The following RIMS1 variants were observed in gnomAD, a reference collection of about 807,000 sequenced individuals.
RIMS1 encodes the protein regulating synaptic membrane exocytosis protein 1.
A neutral mutation model predicts 214.1 loss-of-function variants in RIMS1; 83 were observed. The ratio of observed to expected loss-of-function variants is 0.39; its 90% CI spans 0.32 to 0.47. RIMS1 has a LOEUF of 0.47. Among genes scored for constraint, RIMS1 ranks in the 20% least tolerant of loss-of-function variants. RIMS1 has a pLI of 0.99. For synonymous variants in RIMS1, 793 were observed against 786.8 expected, an observed-to-expected ratio of 1.01 and a Z score of -0.13; for missense variants, 2,050 against 2,161.8, an observed-to-expected ratio of 0.95 and a Z score of 1.03.
chr6:72,074,098 G>A (rs1253440185), intron 2 of RIMS1, among the ~76,000 whole-genome samples: 1 of 152,058 alleles, frequency 6.6e-6, no homozygotes, highest in Non-Finnish European at 1.5e-5. Flanking sequence ...AAATGGTCTG[G>A]AACCTTTAAG....
At chr6:72,083,411 A>C (rs1833898315) in intron 2 of RIMS1, among the ~76,000 whole-genome samples, 1 of 152,116 alleles carries the variant, frequency 6.6e-6, no homozygotes, top group Non-Finnish European at 1.5e-5. Flanking sequence ...GTGTTCCACC[A>C]GTGGTTGTAT....
At chr6:72,125,211 G>A (rs1301203036) in intron 4 of RIMS1, among the ~76,000 whole-genome samples, 1 of 152,116 alleles carries the variant, frequency 6.6e-6, no homozygotes. Context: ...CTTTCTTTTT[G>A]TTAGTTTTCC....
At chr6:72,119,989 T>C (rs2037911535) in intron 4 of RIMS1, among the ~76,000 whole-genome samples, 1 of 150,996 alleles carries the variant, frequency 6.6e-6, no homozygotes, top group Non-Finnish European at 1.5e-5. Flanking sequence ...GAACTCATCA[T>C]TTTTTATGGC....
intron 2 of RIMS1, among the ~76,000 whole-genome samples, chr6:71,984,811 ATCTATCTATT>A (rs1422610580): frequency 3.0e-5 from 4 of 133,810 alleles, no homozygotes; most frequent in Non-Finnish European, 6.6e-5. Flanking sequence ...CTATCTATCT[ATCTATCTATT>A]ATGTTTGTAT....
At chr6:71,997,058 A>C (rs1316935992) in intron 2 of RIMS1, among the ~76,000 whole-genome samples, 1 of 152,218 alleles carries the variant, frequency 6.6e-6, no homozygotes, top group Non-Finnish European at 1.5e-5. Context: ...TAAAGCAATA[A>C]AAACATTTTG....
At chr6:72,263,692 A>G in intron 19 of RIMS1, 1 of 985,326 alleles carries the variant, frequency 1.0e-6, no homozygotes, top group Non-Finnish European at 1.2e-6. Flanking sequence ...AGTTTCAGTA[A>G]AATTTGTCCT....
chr6:71,921,309 C>T lies in RIMS1; in HGVS notation c.164+34122C>T, dbSNP rs531311039. Among the ~76,000 whole-genome samples, 22 of 152,172 alleles carry T rather than the reference C, an allele frequency of 1.4e-4. No homozygotes were observed. The South Asian group carries it at 2.9e-3, about 20-fold the overall frequency. On this transcript the variant is annotated intron_variant, in intron 1 of 33. Coordinates refer to ENST00000521978, the MANE Select transcript of RIMS1 (RefSeq NM_014989.7). ...CTAATTTTTGTATTTTTAGTAGAGA[C>T]GGCATTTCACCATGTTGGTCAGGCT...
intron 4 of RIMS1, among the ~76,000 whole-genome samples, chr6:72,153,092 A>C (rs941937091): frequency 1.4e-5 from 2 of 145,440 alleles, no homozygotes; most frequent in Non-Finnish European, 1.5e-5. Flanking sequence ...ATATATGTAT[A>C]TATTCCCTAT....
intron 1 of RIMS1, among the ~76,000 whole-genome samples, chr6:71,939,122 A>G (rs915028136): frequency 7.2e-5 from 11 of 152,310 alleles, no homozygotes; most frequent in African/African-American, 2.6e-4. Context: ...ATGTGGACAC[A>G]GTTATGCCAA....
intron 4 of RIMS1, among the ~76,000 whole-genome samples, chr6:72,120,103 C>G: frequency 6.6e-6 from 1 of 151,556 alleles, no homozygotes; most frequent in Non-Finnish European, 1.5e-5. Context: ...GAATAGTGTC[C>G]CAATAAACAT....
intron 3 of RIMS1, among the ~76,000 whole-genome samples, chr6:72,098,752 G>C (rs1015418231): frequency 6.6e-6 from 1 of 152,014 alleles, no homozygotes; most frequent in Non-Finnish European, 1.5e-5. Flanking sequence ...TAAAATCTAG[G>C]TCTTTATGAT....
intron 4 of RIMS1, among the ~76,000 whole-genome samples, chr6:72,153,569 C>T (rs2044026925): frequency 2.0e-5 from 3 of 151,916 alleles, no homozygotes; most frequent in African/African-American, 4.8e-5. Flanking sequence ...AGATTTTTTA[C>T]AATAAATTAT....
chr6:71,955,954 T>C (rs1406077156), intron 1 of RIMS1, among the ~76,000 whole-genome samples: 2 of 152,156 alleles, frequency 1.3e-5, no homozygotes, highest in Non-Finnish European at 2.9e-5. Flanking sequence ...AATGTTTTAA[T>C]TGGCTAATTT....
At chr6:72,317,625 A>G (rs34817264) in intron 28 of RIMS1, among the ~76,000 whole-genome samples, 7,632 of 152,304 alleles carry the variant, frequency 0.05, 476 homozygotes, top group African/African-American at 0.15. Flanking sequence ...AATAATTTCA[A>G]ATGCCCCTTA....
chr6:72,267,018 A>G (rs1161480750), intron 22 of RIMS1, among the ~76,000 whole-genome samples: 1 of 152,106 alleles, frequency 6.6e-6, no homozygotes, highest in East Asian at 1.9e-4. Flanking sequence ...GGAATTGAAC[A>G]ATAGGTACAC....
At position 72,083,025 on chromosome 6, in the gene RIMS1, A is replaced by G. The variant is rs548393148; in HGVS notation, c.246-13924A>G. On this transcript the variant is annotated intron_variant, in intron 2 of 33. Coordinates refer to ENST00000521978, the MANE Select transcript of RIMS1 (RefSeq NM_014989.7). ...TGATACTTTGTCAAAGTAATGTTGA[A>G]AGCTCCCCTCCCTTAGGTAACACAT... 2.0e-5 allele frequency among the ~76,000 whole-genome samples: 3 copies of G among 152,284 alleles called. No homozygotes were observed. In the South Asian group the frequency reaches 6.2e-4, roughly 32 times the overall value.
chr6:72,248,920 G>A (rs1263915903), intron 12 of RIMS1, among the ~76,000 whole-genome samples: 1 of 151,972 alleles, frequency 6.6e-6, no homozygotes, highest in Non-Finnish European at 1.5e-5. Flanking sequence ...TACCCTTTGG[G>A]TTTATCTGCC....
At chr6:72,081,900 T>G (rs2153774838) in intron 2 of RIMS1, among the ~76,000 whole-genome samples, 1 of 152,312 alleles carries the variant, frequency 6.6e-6, no homozygotes, top group Non-Finnish European at 1.5e-5. Flanking sequence ...GTATTTTAAT[T>G]AAATGATGAA....
chr6:72,134,840 TA>T (rs1562395584), intron 4 of RIMS1, among the ~76,000 whole-genome samples: 1 of 152,016 alleles, frequency 6.6e-6, no homozygotes, highest in Non-Finnish European at 1.5e-5. Context: ...ACTTAATGGA[TA>T]GACAAACATG....
Sources: allele counts gnomAD v4.1 joint callset (sites outside exome capture counted in the v4.1 genomes callset), GRCh38; gene constraint gnomAD v4.1.1; transcripts MANE v1.5; gene names NCBI Gene and HGNC (gene_info 2026-07-23, HGNC 2026-07-21).